Variants in CLCNKA observed in about 807,000 individuals in gnomAD.
CLCNKA encodes chloride voltage-gated channel Ka, also known as chloride channel protein ClC-Ka.
A neutral mutation model predicts 83.3 loss-of-function variants in CLCNKA; 66 were observed. That is an observed-to-expected ratio of 0.79 (90% CI 0.65 to 0.97). The LOEUF is 0.97. Among genes scored for constraint, CLCNKA ranks in the 50% least tolerant of loss-of-function variants. The pLI is 0.00. For synonymous variants in CLCNKA, 357 were observed against 370.4 expected (o/e 0.96, Z 0.42); for missense variants, 806 against 888.7 (o/e 0.91, Z 1.18).
At chr1:16,029,536 C>T (rs185847922) in intron 12 of CLCNKA, among the ~76,000 whole-genome samples, 195 bp from the exon 13 acceptor site, 23 of 152,302 alleles carry the variant, frequency 1.5e-4, no homozygotes, top group Admixed American at 1.3e-3. Context: ...AAGGAATGTA[C>T]CTGGCACAGT....
chr1:16,029,423 C>G (rs2022521643), intron 12 of CLCNKA, 124 bp downstream of exon 12: 1 of 1,434,336 alleles, frequency 7.0e-7, no homozygotes, highest in Admixed American at 1.9e-5. Context: ...CCTTCTGTGC[C>G]CCCTGCCCAC....
At position 16,026,436 on chromosome 1, in the gene CLCNKA, G is replaced by A. The variant is rs570937615; in HGVS notation, c.499-100G>A. 695 of 1,541,896 alleles carry A rather than the reference G, an allele frequency of 4.5e-4. 1 individual carries two copies. The African/African-American group carries it at 6.6e-3, about 15-fold the overall frequency. ...AAAGCTACCTGAGGACAGCCCTGGG[G>A]GTTGGGGAGATGGAGGAGGGGGTGT... On this transcript the variant is annotated intron_variant, in intron 5 of 19. Coordinates refer to ENST00000331433, the MANE Select transcript of CLCNKA (RefSeq NM_004070.4).
chr1:16,033,393 C>T lies in CLCNKA; in HGVS notation c.2016+137C>T, dbSNP rs566127006. Reference sequence around the variant, plus strand: ...AGAGGATACTTATGAGTCCCTCTTTCTGGCCCAGATTGGCCACTGGGCCTG... The same window carrying T: ...AGAGGATACTTATGAGTCCCTCTTTTTGGCCCAGATTGGCCACTGGGCCTG... On this transcript the variant is annotated intron_variant, in intron 19 of 19. Transcript: ENST00000331433. 7 of 1,159,902 alleles carry T rather than the reference C, an allele frequency of 6.0e-6. No homozygotes were observed. The African/African-American group carries it at 6.0e-5, about 10-fold the overall frequency. The allele number at this position is 1,159,902 out of a possible 1,614,324, so 71.9% of individuals were successfully genotyped here. A position where few individuals can be genotyped will look rare whatever the true frequency, so the allele number is the denominator to read the frequency against.
chr1:16,030,450 T>G lies in CLCNKA; in HGVS notation c.1409-11T>G. 1 of 1,612,312 alleles carries G rather than the reference T, an allele frequency of 6.2e-7. No homozygotes were observed. The highest frequency in any genetic ancestry group is 8.5e-7 in the Non-Finnish European group (1 of 1,179,832). On this transcript the variant is annotated splice_polypyrimidine_tract_variant and intron_variant, in intron 14 of 19. Transcript: ENST00000331433. ...TGGCCTGAGCCGACCTGTGTGGCTCTGCCCCGGCAGGGGCTGCAGCCTTCT... is the reference window on the plus strand; with the variant it reads ...TGGCCTGAGCCGACCTGTGTGGCTCGGCCCCGGCAGGGGCTGCAGCCTTCT...
rs1422132368 is a variant in CLCNKA at position 16,032,487 on chromosome 1, A to G, written c.1890A>G (p.Pro630=). 1.9e-6 allele frequency: 3 copies of G among 1,613,330 alleles called. No homozygotes were observed. Among genetic ancestry groups the G allele is most frequent in the South Asian group, 1.1e-5 (1 of 91,080 alleles). ...DILARGCPTE[P]VTLTLFSETT... ...TGGCCAGGGGCTGCCCCACGGAACC[A>G]GTGACCCTGACGCTATTCTCAGAGA... is the stretch of plus-strand genomic sequence containing the variant. Residue 630 remains proline (P), a synonymous_variant, in exon 18 of 20, where the codon CCA becomes CCG. Coordinates refer to ENST00000331433, the MANE Select transcript of CLCNKA (RefSeq NM_004070.4).
chr1:16,026,484 G>A, intron 5 of CLCNKA, 52 bp from the exon 6 acceptor site: 5 of 1,585,638 alleles, frequency 3.2e-6, no homozygotes, highest in East Asian at 2.2e-5. Flanking sequence ...GTGCTGCCTC[G>A]GGGTGAGACT....
chr1:16,027,862 G>C lies in CLCNKA; in HGVS notation c.823G>C (p.Val275Leu), dbSNP rs774126212. The change falls in exon 9 of 20, where the codon GTT becomes CTT. Residue 275 changes from valine (V) to leucine (L), a missense_variant. By Grantham distance (32) the Val-to-Leu change is conservative. Transcript: ENST00000331433. ...SLYKTSFRVD[V>L]PFDLPEIFFF... ...CTACAAGACCAGTTTCCGGGTGGAC[G>C]TTCCCTTCGACCTGCCTGAGATCTT... The C allele has an allele frequency of 2.5e-6, 4 of 1,613,252 alleles. No homozygotes were observed. The East Asian group carries it at 8.9e-5, about 36-fold the overall frequency.
At chr1:16,022,774 T>A in intron 2 of CLCNKA, 55 bp downstream of exon 2, 1 of 1,281,922 alleles carries the variant, frequency 7.8e-7, no homozygotes, top group Non-Finnish European at 1.1e-6. Context: ...ACATCATTCC[T>A]GCCTGGCTCC....
chr1:16,026,349 A>G, intron 5 of CLCNKA, 102 bp downstream of exon 5: 1 of 1,330,020 alleles, frequency 7.5e-7, no homozygotes, highest in East Asian at 4.0e-5. Context: ...GACTCAGGCC[A>G]GTGCCTGCCT....
intron 9 of CLCNKA, 45 bp downstream of exon 9, chr1:16,027,950 C>T: frequency 6.2e-7 from 1 of 1,614,042 alleles, no homozygotes; most frequent in Non-Finnish European, 8.5e-7. Flanking sequence ...AGGCATTCCC[C>T]CCAAGGCCTG....
At chr1:16,025,201 G>C (rs771725994) in intron 4 of CLCNKA, among the ~76,000 whole-genome samples, 9 of 152,244 alleles carry the variant, frequency 5.9e-5, no homozygotes, top group Non-Finnish European at 1.0e-4. Context: ...CAGGCCAGCA[G>C]AGGGGAGCTC....
chr1:16,032,076 G>T lies in CLCNKA; in HGVS notation c.1757-127G>T. Reference sequence around the variant, plus strand: ...TCTAAAGAGAGTCGGCTGGGTGCTTGTAAGGCAGTCCCTGGGCAGCTGCTG... The same window carrying T: ...TCTAAAGAGAGTCGGCTGGGTGCTTTTAAGGCAGTCCCTGGGCAGCTGCTG... On this transcript the variant is annotated intron_variant, in intron 16 of 19. Transcript: ENST00000331433. The T allele has an allele frequency of 2.5e-6, 3 of 1,178,310 alleles. No homozygotes were observed. In the South Asian group the frequency reaches 3.7e-5, roughly 15 times the overall value. 73.0% of individuals were successfully genotyped at this position (1,178,310 alleles called of 1,614,324 possible).
In CLCNKA at chr1:16,029,255, C is replaced by T. The variant is rs574988239; in HGVS notation, c.1183C>T (p.Arg395Trp). 2.3e-5 allele frequency: 37 copies of T among 1,613,862 alleles called. No individual in the cohort carries two copies. In the East Asian group the frequency reaches 4.5e-4, roughly 19 times the overall value. ...QHLWWEWYHP[R>W]FTIFGTLAFF... ...CCTTTGGTGGGAATGGTACCACCCG[C>T]GGTTCACCATCTTTGGGACCCTTGC... The change falls in exon 12 of 20, where the codon CGG (arginine) becomes TGG (tryptophan). Residue 395 changes from arginine (R) to tryptophan (W), a missense_variant. By Grantham distance (101) the Arg-to-Trp change is moderately radical (BLOSUM62 -3). Transcript: ENST00000331433.
At chr1:16,029,429 C>A in intron 12 of CLCNKA, 130 bp downstream of exon 12, 1 of 1,397,112 alleles carries the variant, frequency 7.2e-7, no homozygotes, top group Non-Finnish European at 9.9e-7. Flanking sequence ...GTGCCCCCTG[C>A]CCACTGCATG....
Position 16,029,138 on chromosome 1 carries a change from C to G in CLCNKA, c.1066C>G (p.Gln356Glu), listed in dbSNP as rs765865702. The G allele has an allele frequency of 1.1e-5, 17 of 1,611,588 alleles. No individual in the cohort carries two copies. In the South Asian group the frequency reaches 1.8e-4, roughly 17 times the overall value. Residue 356 changes from glutamine (Q) to glutamate (E), a missense_variant, in exon 12 of 20, where the codon CAG becomes GAG. By Grantham distance (29) the Gln-to-Glu change is conservative (BLOSUM62 2). Coordinates refer to ENST00000331433, the MANE Select transcript of CLCNKA (RefSeq NM_004070.4). ...TGCCCCGCCACAGCTGTCCATGAAGCAGCATCTGGACTCGCTGTTCGACAA... is the reference window on the plus strand; with the variant it reads ...TGCCCCGCCACAGCTGTCCATGAAGGAGCATCTGGACTCGCTGTTCGACAA... ...HFLASRLSMK[Q>E]HLDSLFDNHS...
In CLCNKA at chr1:16,030,602, C is replaced by T. The variant is rs200620748; in HGVS notation, c.1550C>T (p.Pro517Leu). The T allele has an allele frequency of 2.1e-4, 338 of 1,613,078 alleles. 3 individuals carry two copies. Among genetic ancestry groups the T allele is most frequent in the Non-Finnish European group, 2.6e-5 (31 of 1,180,036 alleles). Residue 517 changes from proline to leucine, a missense_variant, in exon 15 of 20, where the codon CCC becomes CTC. Transcript: ENST00000331433. ...AANAIAQSCQ[P>L]SFYDGTIIVK... Reference sequence around the variant, plus strand: ...AACGCCATTGCACAGAGCTGCCAGCCCTCCTTCTATGATGGCACCATCATT... The same window carrying T: ...AACGCCATTGCACAGAGCTGCCAGCTCTCCTTCTATGATGGCACCATCATT...
rs67179509 is a variant in CLCNKA, at chr1:16,026,987, A to G, written c.655+212A>G. 187,547 of 669,714 alleles carry G rather than the reference A, an allele frequency of 0.28. 26,936 individuals carry two copies. The highest frequency in any genetic ancestry group is 0.32 in the East Asian group (11,784 of 36,868). The allele number at this position is 669,714 out of a possible 1,614,324, so 41.5% of individuals were successfully genotyped here. A position where few individuals can be genotyped will look rare whatever the true frequency, so the allele number is the denominator to read the frequency against. ...TTGGGCGGTGCTGAGAGGCTTCAGG[A>G]TAACATTACACAGACTTGGGTTTGA... On this transcript the variant is annotated intron_variant, in intron 7 of 19. Coordinates refer to ENST00000331433, the MANE Select transcript of CLCNKA (RefSeq NM_004070.4).
chr1:16,031,855 G>T lies in CLCNKA; in HGVS notation c.1756+12G>T, dbSNP rs1399417718. On this transcript the variant is annotated intron_variant, in intron 16 of 19. Coordinates refer to ENST00000331433, the MANE Select transcript of CLCNKA (RefSeq NM_004070.4). ...GGTGGAGAGCACAGGTGCCCAGCTGGAAGGGAGGAGGAAGTCGGGGGTAGG... is the reference window on the plus strand; with the variant it reads ...GGTGGAGAGCACAGGTGCCCAGCTGTAAGGGAGGAGGAAGTCGGGGGTAGG... 1 of 1,613,666 alleles carries T rather than the reference G, an allele frequency of 6.2e-7. No individual in the cohort carries two copies. The highest frequency in any genetic ancestry group is 1.7e-5 in the Admixed American group (1 of 60,030).
At chr1:16,031,642 G>A in intron 15 of CLCNKA, 68 bp from the exon 16 acceptor site, 1 of 1,611,408 alleles carries the variant, frequency 6.2e-7, no homozygotes, top group Non-Finnish European at 8.5e-7. Flanking sequence ...GCTCCCCTCA[G>A]ATCCCCTTGC....
Sources: gnomAD v4.1 joint callset for allele counts (sites outside exome capture counted in the v4.1 genomes callset) on GRCh38, gnomAD v4.1.1 for gene constraint, MANE v1.5 for transcripts, NCBI Gene and HGNC (gene_info 2026-07-23, HGNC 2026-07-21) for gene names.